NSD2: variants seen among roughly 807,000 people sequenced by gnomAD.
NSD2 encodes histone-lysine N-methyltransferase NSD2.
A neutral mutation model predicts 139.0 loss-of-function variants in NSD2; 12 were observed. That is an observed-to-expected ratio of 0.09 (90% CI 0.06 to 0.14). The LOEUF is 0.14. Ranked by LOEUF, NSD2 falls within the 10% of genes least tolerant of loss-of-function variation. The pLI, the probability that NSD2 is intolerant of heterozygous loss-of-function variation, is 1.00. For synonymous variants in NSD2, 669 were observed against 648.7 expected (o/e 1.03, Z -0.48); for missense variants, 1,155 against 1,745.0 (o/e 0.66, Z 6.02).
intron 3 of NSD2, among the ~76,000 whole-genome samples, chr4:1,905,418 A>ACCT (rs1373100166): frequency 6.6e-6 from 1 of 152,228 alleles, no homozygotes; most frequent in East Asian, 1.9e-4. Flanking sequence ...AATATTGCTG[A>ACCT]CCAGTCAGCC....
At chr4:1,961,321 C>T (rs1577551843) in intron 18 of NSD2, among the ~76,000 whole-genome samples, 170 bp downstream of exon 18, 1 of 152,106 alleles carries the variant, frequency 6.6e-6, no homozygotes, top group Non-Finnish European at 1.5e-5. Flanking sequence ...CTTTCAGCTG[C>T]GCCGGAGGGC....
At chr4:1,951,988 T>G in intron 10 of NSD2, 120 bp from the exon 11 acceptor site, 1 of 1,475,748 alleles carries the variant, frequency 6.8e-7, no homozygotes, top group Non-Finnish European at 9.1e-7. Context: ...TTATTATATA[T>G]CCTTGAGTAG....
chr4:1,957,965 A>G lies in NSD2; in HGVS notation c.2914A>G (p.Ile972Val). The change falls in exon 16 of 22, where the codon ATT becomes GTT. Residue 972 changes from isoleucine to valine, a missense_variant. Transcript: ENST00000508803. ...AGAAGCTGAAGCTCGTTTTCGTGAA[A>G]TTAAGCTTCAGAGGGAAGCCCGAGA... ...LQEAEARFREIKLQREARETQ... is the reference protein window; with the variant it reads ...LQEAEARFREVKLQREARETQ... 7 of 1,614,224 alleles carry G rather than the reference A, an allele frequency of 4.3e-6. No individual in the cohort carries two copies. Among genetic ancestry groups the G allele is most frequent in the Non-Finnish European group, 5.9e-6 (7 of 1,180,036 alleles).
chr4:1,922,297 A>G (rs1720253073), intron 5 of NSD2, among the ~76,000 whole-genome samples: 1 of 152,220 alleles, frequency 6.6e-6, no homozygotes, highest in Non-Finnish European at 1.5e-5. Context: ...GTGCAGCATC[A>G]AAGAGGAAAT....
In NSD2 at chr4:1,972,657, G is replaced by C. The variant is rs1283156355; in HGVS notation, c.3373-2206G>C. On this transcript the variant is annotated intron_variant, in intron 18 of 21. Coordinates refer to ENST00000508803, the MANE Select transcript of NSD2 (RefSeq NM_001042424.3). This position sits in a 1 kb window ranked among gnomAD's most constrained non-coding sequence, Gnocchi z 4.0. ...TATAAAGGCCAATTCCAGATGGATTGAACAGCTAGGAGTGGGGGAGATGCA... is the reference window on the plus strand; with the variant it reads ...TATAAAGGCCAATTCCAGATGGATTCAACAGCTAGGAGTGGGGGAGATGCA... 1.3e-5 allele frequency among the ~76,000 whole-genome samples: 2 copies of C among 152,212 alleles called. No homozygotes were observed. The highest frequency in any genetic ancestry group is 6.5e-5 in the Admixed American group (1 of 15,292).
At chr4:1,924,355 G>C (rs986967256) in intron 5 of NSD2, among the ~76,000 whole-genome samples, 5 of 152,000 alleles carry the variant, frequency 3.3e-5, no homozygotes, top group Admixed American at 3.3e-4. Flanking sequence ...AGGGTAAGGC[G>C]GTGTCGGGTG....
chr4:1,945,938 A>T, intron 9 of NSD2: 1 of 1,055,110 alleles, frequency 9.5e-7, no homozygotes, highest in Non-Finnish European at 1.1e-6. Context: ...GCCCTTTTAA[A>T]TTTTTAATTA....
chr4:1,928,261 G>C (rs1391328391), intron 5 of NSD2, among the ~76,000 whole-genome samples: 1 of 152,056 alleles, frequency 6.6e-6, no homozygotes, highest in Non-Finnish European at 1.5e-5. Flanking sequence ...TCACATGTCA[G>C]ATACCTTGCC....
chr4:1,949,533 C>T (rs1003050392), intron 9 of NSD2, among the ~76,000 whole-genome samples: 6 of 152,046 alleles, frequency 3.9e-5, no homozygotes, highest in African/African-American at 7.2e-5. Flanking sequence ...GAGGCCAAGG[C>T]GGGTGGATCA....
At chr4:1,877,335 A>G (rs150925238) in intron 1 of NSD2, among the ~76,000 whole-genome samples, 2 of 152,064 alleles carry the variant, frequency 1.3e-5, no homozygotes, top group Non-Finnish European at 2.9e-5. Context: ...CAGATGTCCT[A>G]TGTGTCCCCA....
intron 1 of NSD2, among the ~76,000 whole-genome samples, chr4:1,875,895 A>G (rs1230321158): frequency 1.4e-5 from 2 of 140,786 alleles, no homozygotes; most frequent in Admixed American, 7.2e-5. Flanking sequence ...GGAGACAGCG[A>G]GACTCCATCT....
chr4:1,940,192 A>T (rs890628629), intron 9 of NSD2: 1 of 1,085,010 alleles, frequency 9.2e-7, no homozygotes. Flanking sequence ...CGACTCACAC[A>T]CCACACCTGA....
intron 5 of NSD2, among the ~76,000 whole-genome samples, chr4:1,923,704 T>C (rs1169069001): frequency 1.3e-5 from 2 of 152,222 alleles, no homozygotes; most frequent in South Asian, 2.1e-4. Context: ...CTTACAGTTT[T>C]ACTCCTAGAT....
At chr4:1,904,537 T>C (rs1484041373) in intron 3 of NSD2, among the ~76,000 whole-genome samples, 159 bp downstream of exon 3, 6 of 152,248 alleles carry the variant, frequency 3.9e-5, no homozygotes, top group Non-Finnish European at 8.8e-5. Context: ...TGTGTTGCCA[T>C]TTCTTTTTAT....
chr4:1,901,237 C>T lies in NSD2; in HGVS notation c.583C>T (p.Pro195Ser). Residue 195 changes from proline (P) to serine (S), a missense_variant, in exon 2 of 22, where the codon CCT (proline) becomes TCT (serine). Physicochemically the swap from Pro to Ser is moderately conservative, Grantham distance 74. Around this residue, in one of 8 missense-constraint regions of NSD2, gnomAD observed 246 missense variants for 262.8 expected, o/e 0.94. Coordinates refer to ENST00000508803, the MANE Select transcript of NSD2 (RefSeq NM_001042424.3). ...EAALVSKISS[P>S]SDKKIPAKKE... The stretch of plus-strand genomic sequence containing the variant: ...AGCTCTTGTGTCTAAGATCTCAAGT[C>T]CTTCAGATAAAAAGGTATTTAGGAG... 1 of 1,572,854 alleles carries T rather than the reference C, an allele frequency of 6.4e-7. No homozygotes were observed. Among genetic ancestry groups the T allele is most frequent in the Non-Finnish European group, 8.6e-7 (1 of 1,164,322 alleles).
At chr4:1,947,072 G>A (rs1723712402) in intron 9 of NSD2, 1 of 1,064,384 alleles carries the variant, frequency 9.4e-7, no homozygotes. Flanking sequence ...TGTGCCAGTG[G>A]AAGCAGGTGT....
rs755011602 is a variant in NSD2 at position 1,897,688 on chromosome 4, G to A, written c.-29-2938G>A. On this transcript the variant is annotated intron_variant, in intron 1 of 21. Coordinates refer to ENST00000508803, the MANE Select transcript of NSD2 (RefSeq NM_001042424.3). Reference sequence around the variant, plus strand: ...CTCACTCAGGCTGGAGTGCAGTGGCGTGGTCTTTGCTTATTGCAGCCTCCA... The same window carrying A: ...CTCACTCAGGCTGGAGTGCAGTGGCATGGTCTTTGCTTATTGCAGCCTCCA... Among the ~76,000 whole-genome samples, 8 of 152,250 alleles carry A rather than the reference G, an allele frequency of 5.3e-5. No individual in the cohort carries two copies. In the South Asian group the frequency reaches 1.0e-3, roughly 20 times the overall value.
At chr4:1,879,463 C>T (rs1261052793) in intron 1 of NSD2, among the ~76,000 whole-genome samples, 1 of 152,198 alleles carries the variant, frequency 6.6e-6, no homozygotes, top group Non-Finnish European at 1.5e-5. Context: ...TTGTGATCCG[C>T]CCGCCTCGGC....
At chr4:1,879,823 C>G (rs952535221) in intron 1 of NSD2, among the ~76,000 whole-genome samples, 8 of 140,242 alleles carry the variant, frequency 5.7e-5, no homozygotes, top group African/African-American at 2.4e-4. Context: ...GCCCATGGCA[C>G]TTGTGTGTGT....
Sources: allele counts gnomAD v4.1 joint callset (sites outside exome capture counted in the v4.1 genomes callset), GRCh38; gene constraint gnomAD v4.1.1; regional missense constraint gnomAD v4.1.1; non-coding constraint Gnocchi (gnomAD v3.1); transcripts MANE v1.5; gene names NCBI Gene and HGNC (gene_info 2026-07-23, HGNC 2026-07-21).